KCND2: variants seen among roughly 807,000 people sequenced by gnomAD.
KCND2 encodes A-type voltage-gated potassium channel KCND2.
In KCND2, 16 loss-of-function variants were observed where a neutral mutation model predicts 54.4. The observed-to-expected ratio is 0.29, with a 90% CI of 0.20 to 0.45. The LOEUF (loss-of-function observed/expected upper bound fraction) is 0.45. KCND2 is among the 20% of genes least tolerant of loss of function. The probability of loss-of-function intolerance (pLI) is 1.00; values close to 1 mark genes in which losing one functional copy is unlikely to be tolerated. For synonymous variants in KCND2, 317 were observed against 310.7 expected (o/e 1.02, Z -0.21); for missense variants, 486 against 824.2 (o/e 0.59, Z 5.02).
At chr7:120,676,209 A>T (rs748882329) in intron 1 of KCND2, among the ~76,000 whole-genome samples, 8 of 152,090 alleles carry the variant, frequency 5.3e-5, no homozygotes, top group Non-Finnish European at 1.0e-4. Context: ...TTGTTTAATT[A>T]TTTTAGCCAG....
chr7:120,326,378 G>A (rs1799978269), intron 1 of KCND2, among the ~76,000 whole-genome samples: 1 of 152,004 alleles, frequency 6.6e-6, no homozygotes, highest in South Asian at 2.1e-4. Context: ...CAAACAGGCA[G>A]ACATTTCTGG....
intron 1 of KCND2, among the ~76,000 whole-genome samples, chr7:120,442,143 T>A (rs925140293): frequency 6.6e-6 from 1 of 152,074 alleles, no homozygotes; most frequent in African/African-American, 2.4e-5. Flanking sequence ...AATTTTCAAC[T>A]CACAAATAGA....
Position 120,575,163 on chromosome 7 carries a change from A to G in KCND2, c.1116-157740A>G, listed in dbSNP as rs534711208. Among the ~76,000 whole-genome samples the G allele has an allele frequency of 1.2e-3, 185 of 152,130 alleles. 2 individuals are homozygous for G. Among genetic ancestry groups the G allele is most frequent in the Non-Finnish European group, 1.1e-3 (73 of 68,022 alleles). ...TTATTAAGGAGTATTGACTCACATG[A>G]TCACAAAGTGAGGTTCCACAATAGG... On this transcript the variant is annotated intron_variant, in intron 1 of 5. Coordinates refer to ENST00000331113, the MANE Select transcript of KCND2 (RefSeq NM_012281.3).
At chr7:120,621,880 C>G (rs1339942494) in intron 1 of KCND2, among the ~76,000 whole-genome samples, 1 of 152,048 alleles carries the variant, frequency 6.6e-6, no homozygotes, top group Admixed American at 6.6e-5. Context: ...AGGCCCCATT[C>G]CTCTTTTATT....
chr7:120,535,688 G>A (rs1017702504), intron 1 of KCND2, among the ~76,000 whole-genome samples: 1 of 152,128 alleles, frequency 6.6e-6, no homozygotes, highest in Non-Finnish European at 1.5e-5. Flanking sequence ...TGAATTTCTA[G>A]TTCTTATCAT....
chr7:120,384,418 A>G (rs1800958227), intron 1 of KCND2, among the ~76,000 whole-genome samples: 1 of 152,124 alleles, frequency 6.6e-6, no homozygotes, highest in Non-Finnish European at 1.5e-5. Flanking sequence ...TAGCTTCATC[A>G]GCAAAAACTT....
At chr7:120,601,919 CA>C (rs1206262485) in intron 1 of KCND2, among the ~76,000 whole-genome samples, 1 of 152,130 alleles carries the variant, frequency 6.6e-6, no homozygotes, top group Admixed American at 6.6e-5. Flanking sequence ...GAATTCCATT[CA>C]ATGATTTTTG....
chr7:120,695,238 G>C (rs1792319119), intron 1 of KCND2, among the ~76,000 whole-genome samples: 2 of 151,258 alleles, frequency 1.3e-5, no homozygotes, highest in Admixed American at 6.6e-5. Flanking sequence ...TTTGAACTGA[G>C]CTTGATATTT....
intron 1 of KCND2, among the ~76,000 whole-genome samples, chr7:120,379,814 A>G (rs541745277): frequency 6.6e-6 from 1 of 152,188 alleles, no homozygotes; most frequent in African/African-American, 2.4e-5. Context: ...TAGATAGTGG[A>G]ACCACAAAGT....
chr7:120,707,258 T>C (rs986769021), intron 1 of KCND2, among the ~76,000 whole-genome samples: 3 of 152,164 alleles, frequency 2.0e-5, no homozygotes, highest in Non-Finnish European at 4.4e-5. Context: ...TGCCAGGTGA[T>C]TTATAATACA....
intron 1 of KCND2, among the ~76,000 whole-genome samples, chr7:120,318,369 C>G (rs768199346): frequency 6.6e-6 from 1 of 152,070 alleles, no homozygotes; most frequent in African/African-American, 2.4e-5. Context: ...TAATCCTAGG[C>G]TCTTTCAGAA....
At chr7:120,345,910 GA>G (rs1800310023) in intron 1 of KCND2, among the ~76,000 whole-genome samples, 1 of 151,920 alleles carries the variant, frequency 6.6e-6, no homozygotes, top group Admixed American at 6.6e-5. Context: ...TAATTTTTTT[GA>G]GGAAGCATCA....
At chr7:120,740,527 T>C (rs1792927223) in intron 2 of KCND2, among the ~76,000 whole-genome samples, 2 of 152,052 alleles carry the variant, frequency 1.3e-5, no homozygotes, top group Admixed American at 6.6e-5. Context: ...ACCAAAATAG[T>C]GCTGTCCAGG....
At chr7:120,350,947 T>A (rs1226944916) in intron 1 of KCND2, among the ~76,000 whole-genome samples, 1 of 152,094 alleles carries the variant, frequency 6.6e-6, no homozygotes, top group Non-Finnish European at 1.5e-5. Context: ...AACTGACATC[T>A]CTATTGAATG....
chr7:120,568,734 C>T (rs1792328620), intron 1 of KCND2, among the ~76,000 whole-genome samples: 1 of 152,022 alleles, frequency 6.6e-6, no homozygotes, highest in African/African-American at 2.4e-5. Context: ...TCTTCAATCC[C>T]CTTATCAATA....
intron 1 of KCND2, among the ~76,000 whole-genome samples, chr7:120,303,105 TA>T (rs200710130): frequency 5.5e-4 from 83 of 150,532 alleles, no homozygotes; most frequent in African/African-American, 1.7e-3. Context: ...ACAGTTGTTA[TA>T]AAAAAAAAGG....
rs1404266875 is a variant in KCND2, at chr7:120,747,738, T to C, written c.1773T>C (p.Pro591=). The C allele has an allele frequency of 3.1e-6, 5 of 1,612,784 alleles. No individual in the cohort carries two copies. In the Admixed American group the frequency reaches 6.7e-5, roughly 22 times the overall value. The part of the protein sequence containing the change: ...EECVKLNCEQ[P]YVTTAIISIP... ...GTGTTAAACTAAACTGTGAACAACC[T>C]TATGTGACTACAGCAATAATAAGCA... is the stretch of plus-strand genomic sequence containing the variant. Residue 591 remains proline (P), a synonymous_variant, in exon 6 of 6, where the codon CCT becomes CCC. Transcript: ENST00000331113.
At chr7:120,623,181 T>C (rs1793123076) in intron 1 of KCND2, among the ~76,000 whole-genome samples, 2 of 152,192 alleles carry the variant, frequency 1.3e-5, no homozygotes, top group South Asian at 4.1e-4. Context: ...CTGTATACCA[T>C]GGTCACTGCC....
intron 1 of KCND2, among the ~76,000 whole-genome samples, chr7:120,321,587 T>G (rs559591150): frequency 3.7e-4 from 57 of 152,280 alleles, no homozygotes; most frequent in African/African-American, 1.2e-3. Context: ...TATAAAAATG[T>G]GTTTATACTT....
Sources: gnomAD v4.1 joint callset for allele counts (sites outside exome capture counted in the v4.1 genomes callset) on GRCh38, gnomAD v4.1.1 for gene constraint, MANE v1.5 for transcripts, NCBI Gene and HGNC (gene_info 2026-07-23, HGNC 2026-07-21) for gene names.